TRMO: variants seen among roughly 807,000 people sequenced by gnomAD.
TRMO encodes tRNA (adenine(37)-N6)-methyltransferase.
TRMO carries 30 observed loss-of-function variants against 37.2 expected under a neutral mutation model. The observed-to-expected ratio is 0.81, with a 90% confidence interval of 0.60 to 1.09. The LOEUF (loss-of-function observed/expected upper bound fraction) is 1.09. TRMO is among the 50% of genes least tolerant of loss of function. The probability of loss-of-function intolerance (pLI) is 0.00; values close to 1 mark genes in which losing one functional copy is unlikely to be tolerated. For missense variants in TRMO, 552 were observed against 549.5 expected (o/e 1.00, Z -0.05); for synonymous variants, 239 against 199.4 (o/e 1.20, Z -1.67).
intron 1 of TRMO, among the ~76,000 whole-genome samples, chr9:97,917,933 C>T (rs887974909): frequency 2.7e-5 from 4 of 150,154 alleles, no homozygotes; most frequent in African/African-American, 7.4e-5. Flanking sequence ...CTGCCCATCT[C>T]GGCCTCTCAA....
rs556630967 is a variant in TRMO at position 97,913,366 on chromosome 9, A to G, written c.409+35T>C. On this transcript the variant is annotated intron_variant, in intron 3 of 4. Transcript: ENST00000375119. ...TTATTTTATAAGGCTTTTTTGGGTG[A>G]GGAAAAAGGTAAAAGTAGAAATGAA... The G allele has an allele frequency of 6.5e-5, 105 of 1,613,374 alleles. 1 individual carries two copies. In the Admixed American group the frequency reaches 1.7e-3, roughly 27 times the overall value.
intron 1 of TRMO, 27 bp from the exon 2 acceptor site, chr9:97,916,365 T>C (rs751169187): frequency 4.5e-6 from 7 of 1,566,202 alleles, no homozygotes; most frequent in Non-Finnish European, 5.2e-6. Context: ...GGTAAAAAGT[T>C]ATTAGTCAAA....
chr9:97,921,710 C>T (rs1826645085), intron 1 of TRMO, among the ~76,000 whole-genome samples: 1 of 152,210 alleles, frequency 6.6e-6, no homozygotes, highest in African/African-American at 2.4e-5. Context: ...AGGCATGAGC[C>T]GCTGCGCCCG....
the TRMO span, among the ~76,000 whole-genome samples, chr9:97,899,390 A>G: frequency 6.6e-6 from 1 of 151,960 alleles, no homozygotes; most frequent in Non-Finnish European, 1.5e-5. Flanking sequence ...GCAAAACATC[A>G]TATTGCTTGG....
At chr9:97,917,964 G>A (rs1826450495) in intron 1 of TRMO, among the ~76,000 whole-genome samples, 2 of 150,754 alleles carry the variant, frequency 1.3e-5, no homozygotes, top group Non-Finnish European at 1.5e-5. Context: ...TTACAGGTGT[G>A]AGCCACCACA....
At chr9:97,905,072 G>A in intron 4 of TRMO, 80 bp from the exon 5 acceptor site, 1 of 1,480,202 alleles carries the variant, frequency 6.8e-7, no homozygotes, top group Non-Finnish European at 9.3e-7. Flanking sequence ...TATGGAATCT[G>A]GTTGGTTCCT....
At position 97,911,941 on chromosome 9, in the gene TRMO, G is replaced by A. The variant is rs919479214; in HGVS notation, c.410-1325C>T. 3 of 152,308 alleles carry A rather than the reference G, an allele frequency of 2.0e-5. No homozygotes were observed. In the South Asian group the frequency reaches 6.2e-4, roughly 32 times the overall value. The allele number at this position is 152,308 out of a possible 1,614,324, so 9.4% of individuals were successfully genotyped here. A position where few individuals can be genotyped will look rare whatever the true frequency, so the allele number is the denominator to read the frequency against. The stretch of plus-strand genomic sequence containing the variant: ...TTATTATGAATGAGCTGGAACTCTG[G>A]AAAGATGATTCTGGACTTGCTAGAT... On this transcript the variant is annotated intron_variant, in intron 3 of 4. Transcript: ENST00000375119.
chr9:97,907,743 C>A (rs1314953582), intron 4 of TRMO, among the ~76,000 whole-genome samples: 1 of 152,106 alleles, frequency 6.6e-6, no homozygotes, highest in African/African-American at 2.4e-5. Flanking sequence ...CCTATAAAAC[C>A]CTTAGGTGAC....
chr9:97,899,181 G>C, the TRMO span, among the ~76,000 whole-genome samples: 1 of 151,964 alleles, frequency 6.6e-6, no homozygotes, highest in Non-Finnish European at 1.5e-5. Context: ...TGCAATACCA[G>C]GGCTAGGATT....
rs376088543 is a variant in TRMO, at chr9:97,915,128, G to A, written c.251+1036C>T. Among the ~76,000 whole-genome samples the A allele has an allele frequency of 8.5e-5, 13 of 152,250 alleles. 1 individual carries two copies. Among genetic ancestry groups the A allele is most frequent in the East Asian group, 7.7e-4 (4 of 5,188 alleles). ...AGGTCTCTACCAATAAAAATAGACC[G>A]ATTCAGACTGCTGATGCTGGGGTGA... is the stretch of plus-strand genomic sequence containing the variant. On this transcript the variant is annotated intron_variant, in intron 2 of 4. Coordinates refer to ENST00000375119, the MANE Select transcript of TRMO (RefSeq NM_016481.5).
chr9:97,911,427 G>A lies in TRMO; in HGVS notation c.410-811C>T, dbSNP rs115100467. 790 of 152,862 alleles carry A rather than the reference G, an allele frequency of 5.2e-3. 9 individuals carry two copies. The highest frequency in any genetic ancestry group is 0.018 in the African/African-American group (752 of 41,542). 9.5% of individuals were successfully genotyped at this position (152,862 alleles called of 1,614,324 possible). A position where few individuals can be genotyped will look rare whatever the true frequency, so the allele number is the denominator to read the frequency against. On this transcript the variant is annotated intron_variant, in intron 3 of 4. Transcript: ENST00000375119. ...CCCCCAGTCCTACTACGATGGCAAG[G>A]AAATCAATGTGGCCAACAGTCTGAG...
chr9:97,905,520 ACT>A (rs901979014), intron 4 of TRMO, among the ~76,000 whole-genome samples: 14 of 151,946 alleles, frequency 9.2e-5, no homozygotes, highest in Non-Finnish European at 1.6e-4. Flanking sequence ...TTGCTTTGGG[ACT>A]CTCTCACATC....
Position 97,904,997 on chromosome 9 carries a change from A to G in TRMO, c.1067-5T>C, listed in dbSNP as rs1188229975. 6.2e-7 allele frequency: 1 copy of G among 1,610,726 alleles called. No individual in the cohort carries two copies. Among genetic ancestry groups the G allele is most frequent in the East Asian group, 2.2e-5 (1 of 44,800 alleles). On this transcript the variant is annotated splice_region_variant and splice_polypyrimidine_tract_variant and intron_variant, in intron 4 of 4. Transcript: ENST00000375119. ...TAAATGACGCCTGACCAACATCTGC[A>G]ATGAAAAAAACACAACTTAATGAGC...
intron 4 of TRMO, 137 bp downstream of exon 4, chr9:97,909,823 A>G (rs1239094198): frequency 3.2e-5 from 20 of 628,650 alleles, no homozygotes; most frequent in Non-Finnish European, 5.4e-5. Flanking sequence ...TACTGCAAAA[A>G]TATTATTTTA....
rs1826040054 is a variant in TRMO at position 97,910,072 on chromosome 9, A to G, written c.954T>C (p.Asp318=). Residue 318 remains aspartate (D), a synonymous_variant, in exon 4 of 5, where the codon GAT becomes GAC. Transcript: ENST00000375119. The stretch of plus-strand genomic sequence containing the variant: ...CAGGAACCACGCTGCGGGGAGCTCC[A>G]TCAGCCCTTCCAGCAGGGCAGTGAG... The part of the protein sequence containing the change: ...MAPHCPAGRA[D]GAPRSVVPAW... 6.2e-7 allele frequency: 1 copy of G among 1,613,684 alleles called. No homozygotes were observed. The highest frequency in any genetic ancestry group is 1.3e-5 in the African/African-American group (1 of 74,922).
intron 4 of TRMO, among the ~76,000 whole-genome samples, chr9:97,908,540 G>A (rs1825968660): frequency 6.6e-6 from 1 of 152,142 alleles, no homozygotes; most frequent in Admixed American, 6.6e-5. Flanking sequence ...AGTAAGCCAT[G>A]TTCTTGCCAC....
At position 97,916,441 on chromosome 9, in the gene TRMO, T is replaced by TA. The variant is rs1716501139; in HGVS notation, c.77-104dup. ...CATTGGTTTCATAGTTTTAAAATCT[T>TA]AGTGTCGTGCAACTATAAAAATGAT... On this transcript the variant is annotated intron_variant, in intron 1 of 4. Transcript: ENST00000375119. 23 of 773,372 alleles carry TA rather than the reference T, an allele frequency of 3.0e-5. No individual in the cohort carries two copies. The South Asian group carries it at 4.1e-4, about 14-fold the overall frequency. The allele number at this position is 773,372 out of a possible 1,614,324, so 47.9% of individuals were successfully genotyped here.
rs1181155083 is a variant in TRMO at position 97,904,982 on chromosome 9, CT to C, written c.1076del (p.Gln359ArgfsTer43). On this transcript the variant is annotated frameshift_variant, in exon 5 of 5. Coordinates refer to ENST00000375119, the MANE Select transcript of TRMO (RefSeq NM_016481.5). LOFTEE classifies it high-confidence loss of function. Reference protein sequence around the residue: ...LGQLSSQDVGQASFKYFQSAE... With the variant: ...LGQLSSQDVGXASFKYFQSAE... ...CTGACTGAAAATATTTAAATGACGC[CT>C]GACCAACATCTGCAATGAAAAAAAC... 1 of 1,612,570 alleles carries C rather than the reference CT, an allele frequency of 6.2e-7. No individual in the cohort carries two copies. Among genetic ancestry groups the C allele is most frequent in the Admixed American group, 1.7e-5 (1 of 59,992 alleles).
At chr9:97,920,524 A>G (rs1045014116) in intron 1 of TRMO, among the ~76,000 whole-genome samples, 1 of 152,252 alleles carries the variant, frequency 6.6e-6, no homozygotes, top group Non-Finnish European at 1.5e-5. Context: ...TAAAAGTACT[A>G]ATAAAATAGG....
Sources: allele counts gnomAD v4.1 joint callset (sites outside exome capture counted in the v4.1 genomes callset), GRCh38; gene constraint gnomAD v4.1.1; transcripts MANE v1.5; gene names NCBI Gene and HGNC (gene_info 2026-07-23, HGNC 2026-07-21).